SCN3A: variants seen among roughly 807,000 people sequenced by gnomAD.
SCN3A encodes the protein sodium voltage-gated channel alpha subunit 3.
In SCN3A, 60 loss-of-function variants were observed where a neutral mutation model predicts 187.6. That is an observed-to-expected ratio of 0.32 (90% confidence interval 0.26 to 0.40). The LOEUF (loss-of-function observed/expected upper bound fraction) is 0.40, where lower values mean the gene tolerates loss of function less well. Ranked by LOEUF, SCN3A falls within the 10% of genes least tolerant of loss-of-function variation. SCN3A has a pLI of 1.00. For synonymous variants in SCN3A, 788 were observed against 829.2 expected, an observed-to-expected ratio of 0.95 and a Z score of 0.85; for missense variants, 1,601 against 2,428.2, an observed-to-expected ratio of 0.66 and a Z score of 7.16.
At chr2:165,132,157 G>A (rs772065182) in intron 15 of SCN3A, among the ~76,000 whole-genome samples, 7 of 152,096 alleles carry the variant, frequency 4.6e-5, no homozygotes, top group South Asian at 2.1e-4. Context: ...AAGAACATTC[G>A]ATGTTCATGG....
At chr2:165,127,568 G>A in intron 18 of SCN3A, 63 bp downstream of exon 18, 1 of 1,290,174 alleles carries the variant, frequency 7.8e-7, no homozygotes, top group Non-Finnish European at 1.1e-6. Flanking sequence ...AATGAAAATA[G>A]TAAATAACTG....
At chr2:165,107,900 G>T (rs769259845) in intron 21 of SCN3A, among the ~76,000 whole-genome samples, 2 of 152,178 alleles carry the variant, frequency 1.3e-5, no homozygotes, top group African/African-American at 2.4e-5. Context: ...TTGTAATGTA[G>T]GGGTTAGAAA....
intron 21 of SCN3A, among the ~76,000 whole-genome samples, chr2:165,107,730 G>A (rs976228511): frequency 5.3e-5 from 8 of 152,178 alleles, no homozygotes; most frequent in Admixed American, 3.3e-4. Flanking sequence ...CCAGTGTTGG[G>A]TAAAGGTAGC....
In SCN3A at chr2:165,130,102, C is replaced by T. The variant is rs201518710; in HGVS notation, c.2760G>A (p.Thr920=). The change falls in exon 17 of 28, where the codon ACG becomes ACA. Residue 920 remains threonine, a synonymous_variant. Transcript: ENST00000283254. The part of the protein sequence containing the change: ...ECVCKINDDC[T]LPRWHMNDFF... ...AGTCGTTCATGTGCCACCGTGGGAG[C>T]GTACAGTCATCATTGATCTTGCAGA... 24 of 1,614,100 alleles carry T rather than the reference C, an allele frequency of 1.5e-5. No homozygotes were observed. The East Asian group carries it at 1.6e-4, about 10-fold the overall frequency.
intron 9 of SCN3A, among the ~76,000 whole-genome samples, chr2:165,161,607 C>A (rs1181221460): frequency 6.6e-6 from 1 of 152,192 alleles, no homozygotes; most frequent in African/African-American, 2.4e-5. Flanking sequence ...TCCTAAGAGT[C>A]ACTTACTATT....
At chr2:165,173,370 G>A (rs1690240442) in intron 3 of SCN3A, among the ~76,000 whole-genome samples, 1 of 152,134 alleles carries the variant, frequency 6.6e-6, no homozygotes, top group African/African-American at 2.4e-5. Context: ...GTGGCCTTGA[G>A]CAAGTTACCT....
At chr2:165,141,207 A>G (rs1687993630) in intron 12 of SCN3A, among the ~76,000 whole-genome samples, 1 of 152,202 alleles carries the variant, frequency 6.6e-6, no homozygotes, top group Non-Finnish European at 1.5e-5. Context: ...TCTGACTAAC[A>G]ATACTGATTT....
chr2:165,164,329 A>T, intron 6 of SCN3A, 63 bp downstream of exon 6: 1 of 1,604,042 alleles, frequency 6.2e-7, no homozygotes, highest in Non-Finnish European at 8.5e-7. Flanking sequence ...TGACACAAAG[A>T]CCTTGTTTGT....
intron 22 of SCN3A, 123 bp downstream of exon 22, chr2:165,100,179 A>AT (rs1685538385): frequency 1.7e-6 from 2 of 1,205,946 alleles, no homozygotes; most frequent in Middle Eastern, 2.9e-4. Context: ...GATATCTAAG[A>AT]TTTTTGCTCT....
At position 165,139,591 on chromosome 2, in the gene SCN3A, C is replaced by T. The variant is rs777151004; in HGVS notation, c.2037G>A (p.Thr679=). ...QLPPEGTTTE[T]EVRKRRLSSY... Reference sequence around the variant, plus strand: ...AGCTTAACCTTCTCTTTCTGACTTCCGTTTCTGTGGTGGTGCCCTGCAAAC... The same window carrying T: ...AGCTTAACCTTCTCTTTCTGACTTCTGTTTCTGTGGTGGTGCCCTGCAAAC... Residue 679 remains threonine, a synonymous_variant, in exon 14 of 28, where the codon ACG becomes ACA. Transcript: ENST00000283254. 1.9e-5 allele frequency: 30 copies of T among 1,613,678 alleles called. No homozygotes were observed. The South Asian group carries it at 1.9e-4, about 10-fold the overall frequency.
chr2:165,185,743 T>C (rs1462041902), intron 2 of SCN3A, among the ~76,000 whole-genome samples: 1 of 152,130 alleles, frequency 6.6e-6, no homozygotes, highest in African/African-American at 2.4e-5. Flanking sequence ...TCTAGTTAGT[T>C]GCAGATGATA....
In SCN3A at chr2:165,095,661, G is replaced by A. The variant is rs778970738; in HGVS notation, c.4294-13C>T. The A allele has an allele frequency of 4.6e-5, 58 of 1,269,926 alleles. No individual in the cohort carries two copies. The highest frequency in any genetic ancestry group is 6.1e-5 in the Non-Finnish European group (53 of 873,942). 78.7% of individuals were successfully genotyped at this position (1,269,926 alleles called of 1,614,324 possible). A position where few individuals can be genotyped will look rare whatever the true frequency, so the allele number is the denominator to read the frequency against. ...GCTGAAGTTTAACCTAAATGATATT[G>A]AAAATATTAAATAATATGAAAAATA... On this transcript the variant is annotated splice_polypyrimidine_tract_variant and intron_variant, in intron 24 of 27. Coordinates refer to ENST00000283254, the MANE Select transcript of SCN3A (RefSeq NM_006922.4).
At chr2:165,121,827 C>T (rs187290377) in intron 18 of SCN3A, among the ~76,000 whole-genome samples, 13 of 152,262 alleles carry the variant, frequency 8.5e-5, no homozygotes, top group East Asian at 7.7e-4. Flanking sequence ...AAGCTCATTA[C>T]GCCACAAATC....
At chr2:165,107,823 A>C (rs1276104122) in intron 21 of SCN3A, among the ~76,000 whole-genome samples, 1 of 152,236 alleles carries the variant, frequency 6.6e-6, no homozygotes, top group Admixed American at 6.5e-5. Context: ...AATAATACAA[A>C]AAATCAAAAG....
rs748601502 is a variant in SCN3A, at chr2:165,096,440, T to A, written c.4293+27A>T. ...TATTCACCATAAGAAATCTAGAACC[T>A]ATAAATAATATTTGAGTGATACTTA... On this transcript the variant is annotated intron_variant, in intron 24 of 27. Coordinates refer to ENST00000283254, the MANE Select transcript of SCN3A (RefSeq NM_006922.4). 153 of 1,575,390 alleles carry A rather than the reference T, an allele frequency of 9.7e-5. 1 individual carries two copies. Among genetic ancestry groups the A allele is most frequent in the Middle Eastern group, 6.7e-4 (4 of 5,932 alleles).
In SCN3A at chr2:165,159,383, G is replaced by T. The variant is rs1208602365; in HGVS notation, c.1031+2925C>A. Among the ~76,000 whole-genome samples, 5 of 137,068 alleles carry T rather than the reference G, an allele frequency of 3.6e-5. 1 individual carries two copies. Among genetic ancestry groups the T allele is most frequent in the African/African-American group, 1.2e-4 (4 of 33,692 alleles). 89.9% of individuals were successfully genotyped at this position (137,068 alleles called of 152,430 possible). A position where few individuals can be genotyped will look rare whatever the true frequency, so the allele number is the denominator to read the frequency against. ...TTGTTTTGTTTTCTTTTGAGACAGG[G>T]TATAATTCTGTTGCCCAGGCTATAG... On this transcript the variant is annotated intron_variant, in intron 9 of 27. Coordinates refer to ENST00000283254, the MANE Select transcript of SCN3A (RefSeq NM_006922.4).
At chr2:165,177,978 C>T (rs554982873) in intron 2 of SCN3A, among the ~76,000 whole-genome samples, 2 of 152,054 alleles carry the variant, frequency 1.3e-5, no homozygotes, top group African/African-American at 4.8e-5. Flanking sequence ...CCCATTCCTA[C>T]CATTCCCCTT....
chr2:165,109,401 T>G (rs1686010449), intron 21 of SCN3A, among the ~76,000 whole-genome samples: 1 of 152,196 alleles, frequency 6.6e-6, no homozygotes, highest in African/African-American at 2.4e-5. Flanking sequence ...TTTGAATGTC[T>G]AATAAACATC....
intron 19 of SCN3A, among the ~76,000 whole-genome samples, chr2:165,114,245 C>T (rs557409973): frequency 6.6e-6 from 1 of 152,264 alleles, no homozygotes; most frequent in South Asian, 2.1e-4. Context: ...GATTATTTTG[C>T]CTCAAGGCCA....
Sources: gnomAD v4.1 joint callset for allele counts (sites outside exome capture counted in the v4.1 genomes callset) on GRCh38, gnomAD v4.1.1 for gene constraint, MANE v1.5 for transcripts, NCBI Gene and HGNC (gene_info 2026-07-23, HGNC 2026-07-21) for gene names.